The following HCN1 variants were observed in gnomAD, a reference collection of about 807,000 sequenced individuals.
HCN1 encodes potassium/sodium hyperpolarization-activated cyclic nucleotide-gated channel 1.
Under a neutral mutation model 78.9 loss-of-function variants are expected in HCN1, and 13 were observed. The ratio of observed to expected loss-of-function variants is 0.16; its 90% CI spans 0.11 to 0.26. The LOEUF (loss-of-function observed/expected upper bound fraction) is 0.26, where lower values mean the gene tolerates loss of function less well. HCN1 is among the 10% of genes least tolerant of loss of function. The pLI, the probability that HCN1 is intolerant of heterozygous loss-of-function variation, is 1.00. For missense variants in HCN1, 810 were observed against 1,154.3 expected (o/e 0.70, Z 4.32); for synonymous variants, 552 against 455.5 (o/e 1.21, Z -2.70).
intron 4 of HCN1, among the ~76,000 whole-genome samples, chr5:45,381,975 C>A (rs76826732): frequency 6.6e-6 from 1 of 152,180 alleles, no homozygotes; most frequent in Non-Finnish European, 1.5e-5. Flanking sequence ...TTCAATCCTA[C>A]TGTCCAGCCA....
At chr5:45,599,167 C>T (rs192663221) in intron 2 of HCN1, among the ~76,000 whole-genome samples, 1 of 152,194 alleles carries the variant, frequency 6.6e-6, no homozygotes, top group African/African-American at 2.4e-5. Flanking sequence ...CACAAATAGC[C>T]ATCAATGCTA....
intron 1 of HCN1, among the ~76,000 whole-genome samples, chr5:45,659,176 A>T (rs1351005407): frequency 6.7e-6 from 1 of 148,994 alleles, no homozygotes; most frequent in Admixed American, 6.7e-5. Context: ...ACTGGGAGGC[A>T]CCCCCCAGCA....
intron 2 of HCN1, among the ~76,000 whole-genome samples, chr5:45,621,328 T>C (rs1745058666): frequency 6.6e-6 from 1 of 152,154 alleles, no homozygotes; most frequent in Non-Finnish European, 1.5e-5. Context: ...CTTTCTTTTT[T>C]TTTTCCTCCA....
rs577467074 is a variant in HCN1 at position 45,386,062 on chromosome 5, G to GCTATA, written c.1230+10425_1230+10429dup. ...AGAGTCTTATCTAAATCAATTGAAA[G>GCTATA]CTATATGTCATGGTCCTCCATTGTA... On this transcript the variant is annotated intron_variant, in intron 4 of 7. Transcript: ENST00000303230. Among the ~76,000 whole-genome samples, 34 of 152,282 alleles carry GCTATA rather than the reference G, an allele frequency of 2.2e-4. No individual in the cohort carries two copies. In the East Asian group the frequency reaches 6.2e-3, roughly 28 times the overall value.
At position 45,550,823 on chromosome 5, in the gene HCN1, TC is replaced by T. The variant is rs2111854356; in HGVS notation, c.850-88817del. On this transcript the variant is annotated intron_variant, in intron 2 of 7. Coordinates refer to ENST00000303230, the MANE Select transcript of HCN1 (RefSeq NM_021072.4). Reference sequence around the variant, plus strand: ...TAGCAACAATAAAAATTCACAAATCTCCCATCTGCACTTGCTTAGAAGAGAA... The same window carrying T: ...TAGCAACAATAAAAATTCACAAATCTCCATCTGCACTTGCTTAGAAGAGAA... Among the ~76,000 whole-genome samples the T allele has an allele frequency of 1.3e-5, 2 of 152,084 alleles. 1 individual carries two copies. Among genetic ancestry groups the T allele is most frequent in the South Asian group, 4.1e-4 (2 of 4,828 alleles).
intron 5 of HCN1, among the ~76,000 whole-genome samples, chr5:45,322,356 A>G (rs949740321): frequency 1.3e-5 from 2 of 151,880 alleles, no homozygotes; most frequent in Admixed American, 6.6e-5. Context: ...TAAATGTAGT[A>G]TAATGACCAC....
intron 4 of HCN1, among the ~76,000 whole-genome samples, chr5:45,353,473 T>C (rs1561120905): frequency 6.6e-6 from 1 of 151,986 alleles, no homozygotes; most frequent in South Asian, 2.1e-4. Flanking sequence ...AGAACTAAGA[T>C]ATCGTGGAGA....
chr5:45,533,784 C>A (rs560527253), intron 2 of HCN1, among the ~76,000 whole-genome samples: 17 of 152,116 alleles, frequency 1.1e-4, no homozygotes, highest in Non-Finnish European at 2.2e-4. Flanking sequence ...TTTTTTCTCA[C>A]CTCTCAGGAA....
At chr5:45,504,342 C>T (rs1276050327) in intron 2 of HCN1, among the ~76,000 whole-genome samples, 1 of 152,038 alleles carries the variant, frequency 6.6e-6, no homozygotes, top group Non-Finnish European at 1.5e-5. Context: ...TGAGTGAGAA[C>T]ATTCGGTGTT....
At position 45,254,961 on chromosome 5, in the gene HCN1, CATTT is replaced by C; in HGVS notation, c.*6956_*6959del. ...CTCTTTGCAAAATATTGACCACATT[CATTT>C]ATTTTTATAATGTCAATGTATTATT... On this transcript the variant is annotated 3_prime_UTR_variant, in exon 8 of 8. Transcript: ENST00000303230. The C allele has an allele frequency of 6.6e-6, 1 of 152,240 alleles. No homozygotes were observed. The highest frequency in any genetic ancestry group is 1.9e-4 in the East Asian group (1 of 5,186). 9.4% of individuals were successfully genotyped at this position (152,240 alleles called of 1,614,324 possible). A position where few individuals can be genotyped will look rare whatever the true frequency, so the allele number is the denominator to read the frequency against.
At chr5:45,557,872 T>G (rs1365841883) in intron 2 of HCN1, 2 of 151,976 alleles carry the variant, frequency 1.3e-5, no homozygotes, top group Non-Finnish European at 2.9e-5. Context: ...ACCTCCCCGT[T>G]CCCTGAGACA....
intron 2 of HCN1, among the ~76,000 whole-genome samples, chr5:45,486,502 G>T (rs766247192): frequency 2.0e-5 from 3 of 152,056 alleles, no homozygotes; most frequent in Non-Finnish European, 4.4e-5. Flanking sequence ...ATACTCTCAT[G>T]GGGTGTATTC....
intron 1 of HCN1, among the ~76,000 whole-genome samples, chr5:45,657,248 G>A (rs540991929): frequency 1.1e-3 from 166 of 152,192 alleles, no homozygotes; most frequent in Middle Eastern, 6.8e-3. Context: ...ACTTACAAAC[G>A]AATTCAATGA....
At chr5:45,668,973 G>A (rs1746101657) in intron 1 of HCN1, among the ~76,000 whole-genome samples, 1 of 151,826 alleles carries the variant, frequency 6.6e-6, no homozygotes, top group Non-Finnish European at 1.5e-5. Context: ...GTTGAAAGAA[G>A]ATTAGAATGA....
chr5:45,598,299 A>G (rs1396972598), intron 2 of HCN1, among the ~76,000 whole-genome samples: 2 of 152,194 alleles, frequency 1.3e-5, no homozygotes, highest in East Asian at 3.9e-4. Context: ...AAACCTGAGA[A>G]AAACAAGCAA....
At chr5:45,681,399 CAA>C (rs1437718421) in intron 1 of HCN1, among the ~76,000 whole-genome samples, 1 of 152,030 alleles carries the variant, frequency 6.6e-6, no homozygotes, top group Non-Finnish European at 1.5e-5. Flanking sequence ...TTTTCAGACT[CAA>C]GTTCTTTTTG....
intron 5 of HCN1, among the ~76,000 whole-genome samples, chr5:45,347,757 G>C (rs1746780766): frequency 6.6e-6 from 1 of 152,112 alleles, no homozygotes; most frequent in Admixed American, 6.5e-5. Context: ...CTGGAAGAAA[G>C]GGTATCAGTG....
intron 2 of HCN1, among the ~76,000 whole-genome samples, chr5:45,579,483 T>TC (rs1561207926): frequency 2.6e-5 from 4 of 152,074 alleles, no homozygotes. Context: ...CCTGCAAGTA[T>TC]CTACCATGGT....
At chr5:45,571,997 C>T (rs1483303) in intron 2 of HCN1, among the ~76,000 whole-genome samples, 75,605 of 151,970 alleles carry the variant, frequency 0.5, 19,965 homozygotes, top group African/African-American at 0.68. Flanking sequence ...TTGAAAGCAT[C>T]CCATGTCCTT....
Sources: gnomAD v4.1 joint callset for allele counts (sites outside exome capture counted in the v4.1 genomes callset) on GRCh38, gnomAD v4.1.1 for gene constraint, MANE v1.5 for transcripts, NCBI Gene and HGNC (gene_info 2026-07-23, HGNC 2026-07-21) for gene names.